The following OR8K1 variants were observed in gnomAD, a reference collection of about 807,000 sequenced individuals.
OR8K1 encodes olfactory receptor family 8 subfamily K member 1.
For synonymous variants in OR8K1, 157 were observed against 139.4 expected, an observed-to-expected ratio of 1.13 and a Z score of -0.89; for missense variants, 417 against 374.0, an observed-to-expected ratio of 1.11 and a Z score of -0.95.
At position 56,346,235 on chromosome 11, in the gene OR8K1, AC is replaced by A. The variant is rs780911150; in HGVS notation, c.198del (p.Phe68SerfsTer21). 5.6e-5 allele frequency: 90 copies of A among 1,613,992 alleles called. No individual in the cohort carries two copies. The highest frequency in any genetic ancestry group is 1.6e-4 in the Middle Eastern group (1 of 6,084). On this transcript the variant is annotated frameshift_variant, in exon 1 of 1. Coordinates refer to ENST00000279783, the MANE Select transcript of OR8K1 (RefSeq NM_001002907.1). LOFTEE classifies it low-confidence loss of function (END_TRUNC). Reference sequence around the variant, plus strand: ...GACTCCAAGCTACACACCCCCATGTACTTTTTCCTTAGACATTTGTCAATCA... The same window carrying A: ...GACTCCAAGCTACACACCCCCATGTATTTTTCCTTAGACATTTGTCAATCA... ...YLDSKLHTPM[Y>X]FFLRHLSITD...
rs749920838 is a variant in OR8K1 at position 56,346,272 on chromosome 11, TTAC to T, written c.236_238del (p.Tyr79del). On this transcript the variant is annotated inframe_deletion, in exon 1 of 1. Transcript: ENST00000279783. The stretch of plus-strand genomic sequence containing the variant: ...GACATTTGTCAATCACTGATCTTGG[TTAC>T]TCCACTGTCATTGCCCCGAAGATGT... 1.5e-5 allele frequency: 24 copies of T among 1,614,094 alleles called. No homozygotes were observed. The highest frequency in any genetic ancestry group is 1.9e-5 in the Non-Finnish European group (23 of 1,180,030).
Position 56,346,165 on chromosome 11 carries a change from G to C in OR8K1, c.127G>C (p.Val43Leu). ...LFGLFLIIYL[V>L]TVIGNLGMVI... Reference sequence around the variant, plus strand: ...TGGACTCTTCCTCATCATATATCTGGTCACAGTGATAGGCAATCTGGGCAT... The same window carrying C: ...TGGACTCTTCCTCATCATATATCTGCTCACAGTGATAGGCAATCTGGGCAT... Residue 43 changes from valine (V) to leucine (L), a missense_variant, in exon 1 of 1, where the codon GTC (valine) becomes CTC (leucine). By Grantham distance (32) the Val-to-Leu change is conservative (BLOSUM62 1). Transcript: ENST00000279783. The C allele has an allele frequency of 6.2e-7, 1 of 1,614,034 alleles. No individual in the cohort carries two copies. Among genetic ancestry groups the C allele is most frequent in the Non-Finnish European group, 8.5e-7 (1 of 1,180,010 alleles).
chr11:56,346,551 ACTGTC>A lies in OR8K1; in HGVS notation c.516_520del (p.Ser173LeufsTer12), dbSNP rs773868366. 1 of 1,613,964 alleles carries A rather than the reference ACTGTC, an allele frequency of 6.2e-7. No homozygotes were observed. The highest frequency in any genetic ancestry group is 1.7e-5 in the Admixed American group (1 of 60,002). ...TATTTCTCACAATTAAGTTATTTAA[ACTGTC>A]CTTCTGTGGCTCAAACATAATCAGC... On this transcript the variant is annotated frameshift_variant, in exon 1 of 1. Transcript: ENST00000279783. LOFTEE classifies it low-confidence loss of function (END_TRUNC).
rs1854843011 is a variant in OR8K1, at chr11:56,346,818, A to G, written c.780A>G (p.Thr260=). 3 of 1,613,882 alleles carry G rather than the reference A, an allele frequency of 1.9e-6. No homozygotes were observed. Among genetic ancestry groups the G allele is most frequent in the South Asian group, 1.1e-5 (1 of 91,064 alleles). The change falls in exon 1 of 1, where the codon ACA becomes ACG. Residue 260 remains threonine (T), a synonymous_variant. Transcript: ENST00000279783. ...CAGTGGTGATCATGTTCTATGGGACATTGTTATTTATTTACTTGCAACCCA... is the reference window on the plus strand; with the variant it reads ...CAGTGGTGATCATGTTCTATGGGACGTTGTTATTTATTTACTTGCAACCCA... ...HLTVVIMFYG[T]LLFIYLQPKS... is the part of the protein sequence containing the mutation.
chr11:56,346,297 A>G lies in OR8K1; in HGVS notation c.259A>G (p.Met87Val), dbSNP rs1422195522. Residue 87 changes from methionine to valine, a missense_variant, in exon 1 of 1, where the codon ATG becomes GTG. Physicochemically the swap from Met to Val is conservative, Grantham distance 21. Coordinates refer to ENST00000279783, the MANE Select transcript of OR8K1 (RefSeq NM_001002907.1). ...TTACTCCACTGTCATTGCCCCGAAG[A>G]TGTTAGTAAACTTCATAGTGCACAA... Reference protein sequence around the residue: ...LGYSTVIAPKMLVNFIVHKNT... With the variant: ...LGYSTVIAPKVLVNFIVHKNT... 1 of 1,614,178 alleles carries G rather than the reference A, an allele frequency of 6.2e-7. No individual in the cohort carries two copies. Among genetic ancestry groups the G allele is most frequent in the Non-Finnish European group, 8.5e-7 (1 of 1,180,026 alleles).
In OR8K1 at chr11:56,346,389, G is replaced by C; in HGVS notation, c.351G>C (p.Glu117Asp). 6.2e-7 allele frequency: 1 copy of C among 1,614,068 alleles called. No homozygotes were observed. Among genetic ancestry groups the C allele is most frequent in the Non-Finnish European group, 8.5e-7 (1 of 1,180,006 alleles). The change falls in exon 1 of 1, where the codon GAG (glutamate) becomes GAC (aspartate). Residue 117 changes from glutamate (E) to aspartate (D), a missense_variant. By Grantham distance (45) the Glu-to-Asp change is conservative. Coordinates refer to ENST00000279783, the MANE Select transcript of OR8K1 (RefSeq NM_001002907.1). ...TCTTTGAGATTTTCATCATCTCTGA[G>C]CTCTTTATTCTATCAGCAATGGCCT... ...LAFFEIFIIS[E>D]LFILSAMAYD...
In OR8K1 at chr11:56,346,069, G is replaced by C; in HGVS notation, c.31G>C (p.Ala11Pro). Reference protein sequence around the residue: MNHVVKHNHTAVTKVTEFILM... With the variant: MNHVVKHNHTPVTKVTEFILM... ...TCATGTGGTAAAACACAATCACACGGCAGTGACCAAGGTGACTGAATTTAT... is the reference window on the plus strand; with the variant it reads ...TCATGTGGTAAAACACAATCACACGCCAGTGACCAAGGTGACTGAATTTAT... The change falls in exon 1 of 1, where the codon GCA (alanine) becomes CCA (proline). Residue 11 changes from alanine (A) to proline (P), a missense_variant. By Grantham distance (27) the Ala-to-Pro change is conservative. Coordinates refer to ENST00000279783, the MANE Select transcript of OR8K1 (RefSeq NM_001002907.1). 2 of 1,609,704 alleles carry C rather than the reference G, an allele frequency of 1.2e-6. No homozygotes were observed. The highest frequency in any genetic ancestry group is 1.7e-5 in the Admixed American group (1 of 59,804).
rs544629328 is a variant in OR8K1, at chr11:56,346,488, G to A, written c.450G>A (p.Leu150=). The change falls in exon 1 of 1, where the codon CTG becomes CTA. Residue 150 remains leucine (L), a synonymous_variant. Coordinates refer to ENST00000279783, the MANE Select transcript of OR8K1 (RefSeq NM_001002907.1). ...IIMAEKVLWV[L]VIVPYLYSTF... Reference sequence around the variant, plus strand: ...TGGCAGAGAAAGTACTTTGGGTGCTGGTAATTGTTCCCTATCTCTATAGCA... The same window carrying A: ...TGGCAGAGAAAGTACTTTGGGTGCTAGTAATTGTTCCCTATCTCTATAGCA... 2 of 1,613,820 alleles carry A rather than the reference G, an allele frequency of 1.2e-6. No homozygotes were observed. Among genetic ancestry groups the A allele is most frequent in the East Asian group, 2.2e-5 (1 of 44,874 alleles).
rs1854843253 is a variant in OR8K1 at position 56,346,840 on chromosome 11, C to T, written c.802C>T (p.Pro268Ser). 2 of 1,613,920 alleles carry T rather than the reference C, an allele frequency of 1.2e-6. No individual in the cohort carries two copies. Among genetic ancestry groups the T allele is most frequent in the South Asian group, 1.1e-5 (1 of 91,078 alleles). Residue 268 changes from proline (P) to serine (S), a missense_variant, in exon 1 of 1, where the codon CCC (proline) becomes TCC (serine). By Grantham distance (74) the Pro-to-Ser change is moderately conservative (BLOSUM62 -1). Coordinates refer to ENST00000279783, the MANE Select transcript of OR8K1 (RefSeq NM_001002907.1). ...YGTLLFIYLQ[P>S]KSSHTLAIDK... ...GACATTGTTATTTATTTACTTGCAA[C>T]CCAAGTCCAGTCATACTTTGGCTAT...
In OR8K1 at chr11:56,346,761, CAAAG is replaced by C. The variant is rs759924473; in HGVS notation, c.724_727del (p.Lys242ProfsTer9). 7.4e-6 allele frequency: 12 copies of C among 1,613,972 alleles called. No homozygotes were observed. The highest frequency in any genetic ancestry group is 1.6e-4 in the Middle Eastern group (1 of 6,062). On this transcript the variant is annotated frameshift_variant, in exon 1 of 1. Coordinates refer to ENST00000279783, the MANE Select transcript of OR8K1 (RefSeq NM_001002907.1). LOFTEE classifies it low-confidence loss of function (END_TRUNC). The stretch of plus-strand genomic sequence containing the variant: ...GAATGAACTCAAGGAAAGGGAGGTA[CAAAG>C]CCTTCTCCACCTGTAGCTCTCATCT...
chr11:56,346,453 G>A lies in OR8K1; in HGVS notation c.415G>A (p.Val139Met), dbSNP rs779347763. The change falls in exon 1 of 1, where the codon GTG becomes ATG. Residue 139 changes from valine (V) to methionine (M), a missense_variant. Coordinates refer to ENST00000279783, the MANE Select transcript of OR8K1 (RefSeq NM_001002907.1). ...AGCCATCTGTAAACCTCTTCTGTACGTGATCATCATGGCAGAGAAAGTACT... is the reference window on the plus strand; with the variant it reads ...AGCCATCTGTAAACCTCTTCTGTACATGATCATCATGGCAGAGAAAGTACT... ...YVAICKPLLY[V>M]IIMAEKVLWV... The A allele has an allele frequency of 1.1e-5, 18 of 1,613,974 alleles. No individual in the cohort carries two copies. In the East Asian group the frequency reaches 2.0e-4, roughly 18 times the overall value.
rs763752475 is a variant in OR8K1 at position 56,346,458 on chromosome 11, C to T, written c.420C>T (p.Ile140=). The change falls in exon 1 of 1, where the codon ATC becomes ATT. Residue 140 remains isoleucine, a synonymous_variant. Coordinates refer to ENST00000279783, the MANE Select transcript of OR8K1 (RefSeq NM_001002907.1). ...TCTGTAAACCTCTTCTGTACGTGAT[C>T]ATCATGGCAGAGAAAGTACTTTGGG... The part of the protein sequence containing the change: ...VAICKPLLYV[I]IMAEKVLWVL... 1.2e-5 allele frequency: 19 copies of T among 1,613,858 alleles called. No homozygotes were observed. Among genetic ancestry groups the T allele is most frequent in the Non-Finnish European group, 1.6e-5 (19 of 1,179,916 alleles).
rs1854839089 is a variant in OR8K1, at chr11:56,346,651, A to T, written c.613A>T (p.Ile205Phe). The change falls in exon 1 of 1, where the codon ATT (isoleucine) becomes TTT (phenylalanine). Residue 205 changes from isoleucine (I) to phenylalanine (F), a missense_variant. Ile to Phe is a conservative substitution (Grantham distance 21). Coordinates refer to ENST00000279783, the MANE Select transcript of OR8K1 (RefSeq NM_001002907.1). ...TGACACAAATGAATTAGAATTAATA[A>T]TTTTGATCTTCTCAGGCTGTAATTT... is the stretch of plus-strand genomic sequence containing the variant. ...CSDTNELELI[I>F]LIFSGCNLLF... 3 of 1,613,874 alleles carry T rather than the reference A, an allele frequency of 1.9e-6. No homozygotes were observed. The African/African-American group carries it at 4.0e-5, about 22-fold the overall frequency.
In OR8K1 at chr11:56,346,207, T is replaced by A. The variant is rs752476046; in HGVS notation, c.169T>A (p.Leu57Met). 2 of 1,613,992 alleles carry A rather than the reference T, an allele frequency of 1.2e-6. No individual in the cohort carries two copies. Among genetic ancestry groups the A allele is most frequent in the South Asian group, 1.1e-5 (1 of 91,090 alleles). ...GNLGMVILTY[L>M]DSKLHTPMYF... ...TCTGGGCATGGTTATCTTGACCTAC[T>A]TGGACTCCAAGCTACACACCCCCAT... Residue 57 changes from leucine to methionine, a missense_variant, in exon 1 of 1, where the codon TTG (leucine) becomes ATG (methionine). Leu to Met is a conservative substitution (Grantham distance 15). Transcript: ENST00000279783.
Position 56,346,822 on chromosome 11 carries a change from T to C in OR8K1, c.784T>C (p.Leu262=), listed in dbSNP as rs769476287. 3 of 1,613,994 alleles carry C rather than the reference T, an allele frequency of 1.9e-6. No homozygotes were observed. The highest frequency in any genetic ancestry group is 2.5e-6 in the Non-Finnish European group (3 of 1,179,894). The change falls in exon 1 of 1, where the codon TTA becomes CTA. Residue 262 remains leucine (L), a synonymous_variant. Transcript: ENST00000279783. ...GGTGATCATGTTCTATGGGACATTGTTATTTATTTACTTGCAACCCAAGTC... is the reference window on the plus strand; with the variant it reads ...GGTGATCATGTTCTATGGGACATTGCTATTTATTTACTTGCAACCCAAGTC... ...TVVIMFYGTL[L]FIYLQPKSSH...
At position 56,346,928 on chromosome 11, in the gene OR8K1, G is replaced by GGAAT. The variant is rs758477854; in HGVS notation, c.890_891insGAAT (p.Ser297ArgfsTer?). 6.2e-7 allele frequency: 1 copy of GGAAT among 1,612,434 alleles called. No individual in the cohort carries two copies. The highest frequency in any genetic ancestry group is 8.5e-7 in the Non-Finnish European group (1 of 1,179,230). On this transcript the variant is annotated frameshift_variant, in exon 1 of 1. Transcript: ENST00000279783. LOFTEE classifies it low-confidence loss of function (END_TRUNC). Reference sequence around the variant, plus strand: ...CCTATGCTGAATCCGTTGATCTACAGCCTAAGGAACAAAGAAGTAAAAGAT... The same window carrying GGAAT: ...CCTATGCTGAATCCGTTGATCTACAGGAATCCTAAGGAACAAAGAAGTAAAAGAT...
At position 56,346,635 on chromosome 11, in the gene OR8K1, T is replaced by TG; in HGVS notation, c.598dup (p.Glu200GlyfsTer13). The TG allele has an allele frequency of 6.2e-7, 1 of 1,614,012 alleles. No homozygotes were observed. The stretch of plus-strand genomic sequence containing the variant: ...TGTCCATACTCTGTTCTGACACAAA[T>TG]GAATTAGAATTAATAATTTTGATCT... On this transcript the variant is annotated frameshift_variant, in exon 1 of 1. Coordinates refer to ENST00000279783, the MANE Select transcript of OR8K1 (RefSeq NM_001002907.1). LOFTEE classifies it low-confidence loss of function (END_TRUNC).
In OR8K1 at chr11:56,346,516, T is replaced by C. The variant is rs1477133510; in HGVS notation, c.478T>C (p.Phe160Leu). 6.2e-7 allele frequency: 1 copy of C among 1,614,120 alleles called. No homozygotes were observed. Among genetic ancestry groups the C allele is most frequent in the South Asian group, 1.1e-5 (1 of 91,078 alleles). ...LVIVPYLYSTFVSLFLTIKLF... is the reference protein window; with the variant it reads ...LVIVPYLYSTLVSLFLTIKLF... ...AATTGTTCCCTATCTCTATAGCACG[T>C]TTGTGTCACTATTTCTCACAATTAA... Residue 160 changes from phenylalanine to leucine, a missense_variant, in exon 1 of 1, where the codon TTT becomes CTT. Transcript: ENST00000279783.
chr11:56,346,775 C>T lies in OR8K1; in HGVS notation c.737C>T (p.Thr246Ile). 6.2e-7 allele frequency: 1 copy of T among 1,613,958 alleles called. No individual in the cohort carries two copies. Residue 246 changes from threonine (T) to isoleucine (I), a missense_variant, in exon 1 of 1, where the codon ACC (threonine) becomes ATC (isoleucine). By Grantham distance (89) the Thr-to-Ile change is moderately conservative (BLOSUM62 -1). Transcript: ENST00000279783. ...SRKGRYKAFSTCSSHLTVVIM... is the reference protein window; with the variant it reads ...SRKGRYKAFSICSSHLTVVIM... ...AAAGGGAGGTACAAAGCCTTCTCCA[C>T]CTGTAGCTCTCATCTGACAGTGGTG...
Sources: gnomAD v4.1 joint callset for allele counts on GRCh38, gnomAD v4.1.1 for gene constraint, MANE v1.5 for transcripts, NCBI Gene and HGNC (gene_info 2026-07-23, HGNC 2026-07-21) for gene names.